Variants in PWWP2B observed in about 807,000 individuals in gnomAD.
PWWP2B encodes PWWP domain-containing protein 2B.
A neutral mutation model predicts 15.5 loss-of-function variants in PWWP2B; 9 were observed. That is an observed-to-expected ratio of 0.58 (90% CI 0.35 to 1.02). PWWP2B has a LOEUF of 1.02. Ranked by LOEUF, PWWP2B falls within the 50% of genes least tolerant of loss-of-function variation. The pLI is 0.02. For synonymous variants in PWWP2B, 474 were observed against 403.6 expected, an observed-to-expected ratio of 1.17 and a Z score of -2.09; for missense variants, 864 against 865.3, an observed-to-expected ratio of 1.00 and a Z score of 0.02.
intron 1 of PWWP2B, among the ~76,000 whole-genome samples, chr10:132,398,447 C>T (rs2069567224): frequency 6.6e-6 from 1 of 152,228 alleles, no homozygotes; most frequent in Admixed American, 6.5e-5. Context: ...TCCCCTCCAC[C>T]ATCGGCCTCA....
intron 1 of PWWP2B, among the ~76,000 whole-genome samples, chr10:132,400,279 C>T (rs573382727): frequency 2.6e-5 from 4 of 152,136 alleles, no homozygotes; most frequent in East Asian, 1.9e-4. Context: ...GGCTGGTCTT[C>T]GGAGCGTCTC....
rs748250549 is a variant in PWWP2B, at chr10:132,405,504, T to G, written c.1004T>G (p.Leu335Arg). ...GADLPPPKIR[L>R]KPHRLGDSEH... ...GACCTGCCGCCCCCTAAGATCCGCCTGAAGCCCCACCGTCTGGGGGACAGC... is the reference window on the plus strand; with the variant it reads ...GACCTGCCGCCCCCTAAGATCCGCCGGAAGCCCCACCGTCTGGGGGACAGC... Residue 335 changes from leucine (L) to arginine (R), a missense_variant, in exon 2 of 3, where the codon CTG becomes CGG. By Grantham distance (102) the Leu-to-Arg change is moderately radical (BLOSUM62 -2). This residue lies in a region of PWWP2B where 736 missense variants were observed against 687.7 expected (regional missense o/e 1.07). Coordinates refer to ENST00000305233, the MANE Select transcript of PWWP2B (RefSeq NM_138499.4). 1 of 1,603,810 alleles carries G rather than the reference T, an allele frequency of 6.2e-7. No homozygotes were observed. The highest frequency in any genetic ancestry group is 1.1e-5 in the South Asian group (1 of 91,026).
At chr10:132,402,915 C>G (rs1456574374) in intron 1 of PWWP2B, among the ~76,000 whole-genome samples, 1 of 152,250 alleles carries the variant, frequency 6.6e-6, no homozygotes, top group Non-Finnish European at 1.5e-5. Context: ...GTGTGGCCCG[C>G]TGGCCCCCGG....
chr10:132,401,084 G>T (rs1477469968), intron 1 of PWWP2B, among the ~76,000 whole-genome samples: 1 of 152,214 alleles, frequency 6.6e-6, no homozygotes, highest in African/African-American at 2.4e-5. Context: ...TGACATCCAG[G>T]CGAGGCCCCA....
chr10:132,403,447 T>C (rs181080431), intron 1 of PWWP2B, among the ~76,000 whole-genome samples: 67 of 152,332 alleles, frequency 4.4e-4, no homozygotes, highest in African/African-American at 1.6e-3. Flanking sequence ...TTTTCCATGG[T>C]CTGTGGTAAC....
In PWWP2B at chr10:132,405,392, G is replaced by A. The variant is rs772096039; in HGVS notation, c.892G>A (p.Asp298Asn). Residue 298 changes from aspartate (D) to asparagine (N), a missense_variant, in exon 2 of 3, where the codon GAC becomes AAC. By Grantham distance (23) the Asp-to-Asn change is conservative. This residue lies in a region of PWWP2B where 736 missense variants were observed against 687.7 expected (regional missense o/e 1.07). Coordinates refer to ENST00000305233, the MANE Select transcript of PWWP2B (RefSeq NM_138499.4). ...DDGSQDPEVL[D>N]RESRDRPSCA... ...CGGCAGCCAGGACCCCGAGGTGCTG[G>A]ACAGAGAGTCCCGGGACCGGCCGTC... is the stretch of plus-strand genomic sequence containing the variant. 1.1e-5 allele frequency: 17 copies of A among 1,611,320 alleles called. No individual in the cohort carries two copies. The highest frequency in any genetic ancestry group is 1.7e-4 in the Middle Eastern group (1 of 6,058).
chr10:132,416,757 C>T (rs938224640), intron 2 of PWWP2B, among the ~76,000 whole-genome samples: 1 of 152,160 alleles, frequency 6.6e-6, no homozygotes, highest in Non-Finnish European at 1.5e-5. Context: ...CAGCCCCCAC[C>T]AAGAGGCCAC....
intron 2 of PWWP2B, among the ~76,000 whole-genome samples, chr10:132,409,013 G>C (rs1455980355): frequency 6.6e-6 from 1 of 152,256 alleles, no homozygotes; most frequent in Non-Finnish European, 1.5e-5. Context: ...CGCCGAGGCT[G>C]GGCTGGCCTC....
At position 132,405,193 on chromosome 10, in the gene PWWP2B, G is replaced by A. The variant is rs2069677087; in HGVS notation, c.693G>A (p.Arg231=). ...CCACGGCTGCGGCCACCGCCAGGAGGAGCAAGAGGGAGAGGCGCGAGGAGG... is the reference window on the plus strand; with the variant it reads ...CCACGGCTGCGGCCACCGCCAGGAGAAGCAAGAGGGAGAGGCGCGAGGAGG... ...GEPTAAATAR[R]SKRERREEDR... The change falls in exon 2 of 3, where the codon AGG becomes AGA. Residue 231 remains arginine, a synonymous_variant. Coordinates refer to ENST00000305233, the MANE Select transcript of PWWP2B (RefSeq NM_138499.4). 1 of 1,572,726 alleles carries A rather than the reference G, an allele frequency of 6.4e-7. No individual in the cohort carries two copies. The highest frequency in any genetic ancestry group is 8.6e-7 in the Non-Finnish European group (1 of 1,160,692).
intron 2 of PWWP2B, among the ~76,000 whole-genome samples, chr10:132,407,423 C>T (rs1193234679): frequency 6.6e-6 from 1 of 152,230 alleles, no homozygotes; most frequent in African/African-American, 2.4e-5. Context: ...CTTGTCTTCC[C>T]TGGCCACCTG....
At chr10:132,407,910 G>A (rs2069721731) in intron 2 of PWWP2B, among the ~76,000 whole-genome samples, 1 of 152,224 alleles carries the variant, frequency 6.6e-6, no homozygotes, top group East Asian at 1.9e-4. Context: ...CCCGAGTTCT[G>A]GACTCAGGCA....
rs1336320124 is a variant in PWWP2B, at chr10:132,417,121, T to C, written c.*77T>C. 1.2e-6 allele frequency: 2 copies of C among 1,612,140 alleles called. No individual in the cohort carries two copies. The highest frequency in any genetic ancestry group is 2.2e-5 in the East Asian group (1 of 44,862). Reference sequence around the variant, plus strand: ...GCTTCCGATCTCTGTTCGGGGACCCTGTGAGCCTTCTGGCCGGCTGCGTGC... The same window carrying C: ...GCTTCCGATCTCTGTTCGGGGACCCCGTGAGCCTTCTGGCCGGCTGCGTGC... On this transcript the variant is annotated 3_prime_UTR_variant, in exon 3 of 3. Transcript: ENST00000305233.
chr10:132,414,101 G>T (rs1020453177), intron 2 of PWWP2B, among the ~76,000 whole-genome samples: 1 of 152,234 alleles, frequency 6.6e-6, no homozygotes, highest in Non-Finnish European at 1.5e-5. Flanking sequence ...GAGACGTGAG[G>T]AGCGGCCAGT....
intron 1 of PWWP2B, among the ~76,000 whole-genome samples, chr10:132,398,993 C>T (rs566232262): frequency 3.9e-4 from 42 of 108,512 alleles, no homozygotes; most frequent in Admixed American, 7.6e-4. Context: ...TGAGTCTGTC[C>T]GGCTGTTCTC....
At chr10:132,415,702 C>T (rs1355255553) in intron 2 of PWWP2B, among the ~76,000 whole-genome samples, 1 of 131,438 alleles carries the variant, frequency 7.6e-6, no homozygotes, top group Non-Finnish European at 1.6e-5. Context: ...CATGCACTCT[C>T]ACACACATCC....
chr10:132,417,011 C>T (rs781760580), intron 2 of PWWP2B, 50 bp from the exon 3 acceptor site: 2 of 1,609,708 alleles, frequency 1.2e-6, no homozygotes, highest in South Asian at 1.1e-5. Flanking sequence ...GGCTGGTCCC[C>T]CATACTCGAC....
At chr10:132,407,398 G>A (rs564533076) in intron 2 of PWWP2B, among the ~76,000 whole-genome samples, 1 of 152,346 alleles carries the variant, frequency 6.6e-6, no homozygotes, top group South Asian at 2.1e-4. Flanking sequence ...CTAGGCCTTG[G>A]TGACGTCTGG....
intron 1 of PWWP2B, among the ~76,000 whole-genome samples, chr10:132,398,071 T>C (rs1183169348): frequency 1.3e-5 from 2 of 152,314 alleles, no homozygotes; most frequent in African/African-American, 4.8e-5. Context: ...GGCAGGGAGC[T>C]GTCGCTGCCA....
chr10:132,408,145 C>T (rs1186744490), intron 2 of PWWP2B, among the ~76,000 whole-genome samples: 3 of 152,246 alleles, frequency 2.0e-5, no homozygotes, highest in Non-Finnish European at 4.4e-5. Flanking sequence ...GACCAGCCCC[C>T]TGCTCTGGGA....
Sources: gnomAD v4.1 joint callset for allele counts (sites outside exome capture counted in the v4.1 genomes callset) on GRCh38, gnomAD v4.1.1 for gene constraint, gnomAD v4.1.1 regional missense constraint, MANE v1.5 for transcripts, NCBI Gene and HGNC (gene_info 2026-07-23, HGNC 2026-07-21) for gene names.